TERT: variants seen among roughly 807,000 people sequenced by gnomAD.
The protein encoded by TERT is telomerase catalytic subunit.
TERT carries 42 observed loss-of-function variants against 104.0 expected under a neutral mutation model. The ratio of observed to expected loss-of-function variants is 0.40; its 90% CI spans 0.32 to 0.52. The LOEUF (loss-of-function observed/expected upper bound fraction) is 0.52, where lower values mean the gene tolerates loss of function less well. TERT is among the 20% of genes least tolerant of loss of function. The probability of loss-of-function intolerance (pLI) is 0.43; values close to 1 mark genes in which losing one functional copy is unlikely to be tolerated. For missense variants in TERT, 1,101 were observed against 1,610.3 expected, an observed-to-expected ratio of 0.68 and a Z score of 5.41; for synonymous variants, 781 against 725.6, an observed-to-expected ratio of 1.08 and a Z score of -1.23.
Position 1,258,654 on chromosome 5 carries a change from G to A in TERT, c.2976C>T (p.Asn992=), listed in dbSNP as rs1036120126. The change falls in exon 13 of 16, where the codon AAC becomes AAT. Residue 992 remains asparagine (N), a synonymous_variant. Coordinates refer to ENST00000310581, the MANE Select transcript of TERT (RefSeq NM_198253.3). The part of the protein sequence containing the change: ...CHSLFLDLQV[N]SLQTVCTNIY... ...TGTTGGTGCACACCGTCTGGAGGCT[G>A]TTCACCTAGAGTCGCCAAGAAAGAG... The A allele has an allele frequency of 1.1e-5, 18 of 1,568,244 alleles. No homozygotes were observed. The highest frequency in any genetic ancestry group is 1.6e-5 in the Non-Finnish European group (18 of 1,155,550).
In TERT at chr5:1,265,032, T is replaced by G. The variant is rs1748492758; in HGVS notation, c.2655-440A>C. Among the ~76,000 whole-genome samples, 1 of 152,270 alleles carries G rather than the reference T, an allele frequency of 6.6e-6. No homozygotes were observed. Among genetic ancestry groups the G allele is most frequent in the African/African-American group, 2.4e-5 (1 of 41,474 alleles). Reference sequence around the variant, plus strand: ...TTTGCCTGTTTTCTCCTAGATGCCCTGAAGGCATCTGCTGTGCTTTAGACA... The same window carrying G: ...TTTGCCTGTTTTCTCCTAGATGCCCGGAAGGCATCTGCTGTGCTTTAGACA... On this transcript the variant is annotated intron_variant, in intron 10 of 15. Transcript: ENST00000310581. The surrounding 1 kb of genome is among the most constrained non-coding windows in gnomAD (Gnocchi z 6.9).
intron 12 of TERT, among the ~76,000 whole-genome samples, chr5:1,259,456 AGATGCCCACAGGAGAGGGAGTGGACGCG>A (rs1183947966): frequency 7.6e-6 from 1 of 130,946 alleles, no homozygotes; most frequent in Non-Finnish European, 1.6e-5. Context: ...GAGCGGACGC[AGATGCCCACAGGAGAGGGAGTGGACGCG>A]GACGCCCACA....
rs1465220859 is a variant in TERT, at chr5:1,292,043, C to T, written c.1573+1270G>A. 6.6e-6 allele frequency among the ~76,000 whole-genome samples: 1 copy of T among 152,098 alleles called. No individual in the cohort carries two copies. Among genetic ancestry groups the T allele is most frequent in the Non-Finnish European group, 1.5e-5 (1 of 68,044 alleles). On this transcript the variant is annotated intron_variant, in intron 2 of 15. Transcript: ENST00000310581. This position sits in a 1 kb window ranked among gnomAD's most constrained non-coding sequence, Gnocchi z 5.5. ...TCAAGCAACCTGCTGTAAACACCGC[C>T]GAGTTAGCAATTCTGCACTGTACAC...
chr5:1,288,868 G>T lies in TERT; in HGVS notation c.1573+4445C>A, dbSNP rs894650147. On this transcript the variant is annotated intron_variant, in intron 2 of 15. Transcript: ENST00000310581. This position sits in a 1 kb window ranked among gnomAD's most constrained non-coding sequence, Gnocchi z 5.3. ...AAGCTGTGGCTGCAGTGCCTGGCACGCGGGAGGCGAGAGCCTGCAGTCCCG... is the reference window on the plus strand; with the variant it reads ...AAGCTGTGGCTGCAGTGCCTGGCACTCGGGAGGCGAGAGCCTGCAGTCCCG... Among the ~76,000 whole-genome samples, 4 of 152,184 alleles carry T rather than the reference G, an allele frequency of 2.6e-5. No homozygotes were observed. Among genetic ancestry groups the T allele is most frequent in the African/African-American group, 4.8e-5 (2 of 41,428 alleles).
chr5:1,258,526 C>T (rs1747917570), intron 13 of TERT, 72 bp downstream of exon 13: 1 of 1,389,064 alleles, frequency 7.2e-7, no homozygotes, highest in Admixed American at 2.0e-5. Context: ...CAAGGTGAAG[C>T]CCCGGGTCAG....
intron 3 of TERT, 23 bp downstream of exon 3, chr5:1,282,406 G>C: frequency 6.2e-7 from 1 of 1,613,058 alleles, no homozygotes; most frequent in Non-Finnish European, 8.5e-7. Context: ...GAGAAGCAGA[G>C]GCCTGGCGTG....
chr5:1,258,552 G>C, intron 13 of TERT, 46 bp downstream of exon 13: 2 of 1,535,360 alleles, frequency 1.3e-6, no homozygotes, highest in Non-Finnish European at 1.8e-6. Context: ...AGCAGAGCGC[G>C]GAGGGTCCCT....
chr5:1,271,740 C>T (rs562159421), intron 7 of TERT, among the ~76,000 whole-genome samples: 121 of 152,350 alleles, frequency 7.9e-4, no homozygotes, highest in African/African-American at 2.7e-3. Context: ...GCCCGCTCAG[C>T]GGGGCGTGGC....
In TERT at chr5:1,257,522, C is replaced by T. The variant is rs1212734257; in HGVS notation, c.3032+1076G>A. 6.6e-6 allele frequency among the ~76,000 whole-genome samples: 1 copy of T among 152,152 alleles called. No homozygotes were observed. Among genetic ancestry groups the T allele is most frequent in the Non-Finnish European group, 1.5e-5 (1 of 68,026 alleles). ...GATGCAAACGAGGGAAGATTTGAGG[C>T]AGAGAGAGAAGGCAGAGAGGAGGGC... On this transcript the variant is annotated intron_variant, in intron 13 of 15. Transcript: ENST00000310581. This position sits in a 1 kb window ranked among gnomAD's most constrained non-coding sequence, Gnocchi z 5.6.
rs1020065019 is a variant in TERT, at chr5:1,265,891, T to C, written c.2654+573A>G. The stretch of plus-strand genomic sequence containing the variant: ...GTGCTGAGGCCAGGTCCCCTGTGCC[T>C]GATTTTAGTTTGATTCACAAAAATC... On this transcript the variant is annotated intron_variant, in intron 10 of 15. Coordinates refer to ENST00000310581, the MANE Select transcript of TERT (RefSeq NM_198253.3). The surrounding 1 kb of genome is among the most constrained non-coding windows in gnomAD (Gnocchi z 6.9). Among the ~76,000 whole-genome samples, 2 of 152,214 alleles carry C rather than the reference T, an allele frequency of 1.3e-5. No individual in the cohort carries two copies. The highest frequency in any genetic ancestry group is 2.9e-5 in the Non-Finnish European group (2 of 68,026).
At chr5:1,276,343 C>CA (rs752685776) in intron 6 of TERT, among the ~76,000 whole-genome samples, 4 of 142,104 alleles carry the variant, frequency 2.8e-5, no homozygotes, top group South Asian at 2.3e-4. Context: ...CACAGATCCC[C>CA]ACCTACCCCA....
At chr5:1,266,604 C>CGATGT in intron 9 of TERT, 69 bp from the exon 10 acceptor site, 2 of 1,272,288 alleles carry the variant, frequency 1.6e-6, no homozygotes, top group South Asian at 2.5e-5. Flanking sequence ...CTACGAGGGA[C>CGATGT]TGAATGTCAA....
intron 7 of TERT, among the ~76,000 whole-genome samples, 155 bp downstream of exon 7, chr5:1,272,030 C>T (rs1749074144): frequency 6.6e-6 from 1 of 152,358 alleles, no homozygotes; most frequent in Middle Eastern, 3.4e-3. Context: ...GCTCAGATTT[C>T]GCCAAGGCAC....
In TERT at chr5:1,294,050, G is replaced by A. The variant is rs1751198439; in HGVS notation, c.836C>T (p.Ala279Val). The part of the protein sequence containing the change: ...GFCVVSPARP[A>V]EEATSLEGAL... ...ACCCTCCAAAGAGGTGGCTTCTTCG[G>A]CGGGTCTGGCAGGTGACACCACACA... Residue 279 changes from alanine to valine, a missense_variant, in exon 2 of 16, where the codon GCC (alanine) becomes GTC (valine). Around this residue, in one of 5 missense-constraint regions of TERT, gnomAD observed 504 missense variants for 544.6 expected, o/e 0.93. Coordinates refer to ENST00000310581, the MANE Select transcript of TERT (RefSeq NM_198253.3). 6.3e-7 allele frequency: 1 copy of A among 1,592,312 alleles called. No homozygotes were observed. Among genetic ancestry groups the A allele is most frequent in the Non-Finnish European group, 8.5e-7 (1 of 1,171,562 alleles).
rs1442171732 is a variant in TERT at position 1,256,463 on chromosome 5, G to GC, written c.3033-1053dup. Among the ~76,000 whole-genome samples, 9 of 143,434 alleles carry GC rather than the reference G, an allele frequency of 6.3e-5. No individual in the cohort carries two copies. The highest frequency in any genetic ancestry group is 1.4e-4 in the African/African-American group (5 of 36,380). 94.1% of individuals were successfully genotyped at this position (143,434 alleles called of 152,430 possible). ...GTACCTGGTCTGACCCTCTGCCTGA[G>GC]CCCCCCGTGTACCTCATCTCACCCA... On this transcript the variant is annotated intron_variant, in intron 13 of 15. Coordinates refer to ENST00000310581, the MANE Select transcript of TERT (RefSeq NM_198253.3). The surrounding 1 kb of genome is among the most constrained non-coding windows in gnomAD (Gnocchi z 7.0).
chr5:1,277,425 A>G (rs1561201671), intron 6 of TERT, among the ~76,000 whole-genome samples: 1 of 152,204 alleles, frequency 6.6e-6, no homozygotes, highest in Non-Finnish European at 1.5e-5. Flanking sequence ...GAGTTCCACA[A>G]CGGATGCCAT....
chr5:1,260,324 G>A, intron 12 of TERT, 150 bp downstream of exon 12: 2 of 1,269,246 alleles, frequency 1.6e-6, no homozygotes, highest in East Asian at 2.4e-5. Context: ...ATGCACACAT[G>A]TATGTGCTCA....
rs1419828351 is a variant in TERT at position 1,287,787 on chromosome 5, T to G, written c.1574-5163A>C. ...CTATGGCCTCCTTCTTGGAATTTCA[T>G]GCATCTAGAAGGAGACAGAAGCTTT... On this transcript the variant is annotated intron_variant, in intron 2 of 15. Transcript: ENST00000310581. The surrounding 1 kb of genome is among the most constrained non-coding windows in gnomAD (Gnocchi z 4.3). Among the ~76,000 whole-genome samples, 1 of 152,064 alleles carries G rather than the reference T, an allele frequency of 6.6e-6. No homozygotes were observed. Among genetic ancestry groups the G allele is most frequent in the Non-Finnish European group, 1.5e-5 (1 of 68,016 alleles).
rs113417841 is a variant in TERT at position 1,262,252 on chromosome 5, GA to G, written c.2844-1653del. 2.6e-5 allele frequency among the ~76,000 whole-genome samples: 4 copies of G among 151,504 alleles called. No individual in the cohort carries two copies. Among genetic ancestry groups the G allele is most frequent in the South Asian group, 4.2e-4 (2 of 4,782 alleles). Reference sequence around the variant, plus strand: ...TATTTGCTTCCAGTCAGTTTTCTCAGAAAAAAAAATTACACACACACTCTCT... The same window carrying G: ...TATTTGCTTCCAGTCAGTTTTCTCAGAAAAAAAATTACACACACACTCTCT... On this transcript the variant is annotated intron_variant, in intron 11 of 15. Coordinates refer to ENST00000310581, the MANE Select transcript of TERT (RefSeq NM_198253.3). The surrounding 1 kb of genome is among the most constrained non-coding windows in gnomAD (Gnocchi z 5.6).
Sources: gnomAD v4.1 joint callset for allele counts (sites outside exome capture counted in the v4.1 genomes callset) on GRCh38, gnomAD v4.1.1 for gene constraint, gnomAD v4.1.1 regional missense constraint, Gnocchi (gnomAD v3.1) non-coding constraint, MANE v1.5 for transcripts, NCBI Gene and HGNC (gene_info 2026-07-23, HGNC 2026-07-21) for gene names.